DLC1: variants seen among roughly 807,000 people sequenced by gnomAD.
DLC1 encodes DLC1 Rho GTPase activating protein.
DLC1 carries 54 observed loss-of-function variants against 140.3 expected under a neutral mutation model. The observed-to-expected ratio is 0.38, with a 90% CI of 0.31 to 0.48. The LOEUF is 0.48. Among genes scored for constraint, DLC1 ranks in the 20% least tolerant of loss-of-function variants. The pLI is 0.96. For synonymous variants in DLC1, 986 were observed against 728.1 expected (o/e 1.35, Z -5.70); for missense variants, 2,536 against 1,907.0 (o/e 1.33, Z -6.14).
intron 5 of DLC1, among the ~76,000 whole-genome samples, chr8:13,159,268 C>T (rs1824505367): frequency 6.6e-6 from 1 of 152,190 alleles, no homozygotes; most frequent in Non-Finnish European, 1.5e-5. Context: ...TGCCAAGCTA[C>T]AGAAGCTCCT....
chr8:13,108,696 C>A (rs929269140), intron 7 of DLC1, among the ~76,000 whole-genome samples: 1 of 152,258 alleles, frequency 6.6e-6, no homozygotes, highest in East Asian at 1.9e-4. Context: ...TCTCTAACTG[C>A]GTGAAATGAT....
At chr8:13,501,660 A>T (rs1428308143) in intron 1 of DLC1, among the ~76,000 whole-genome samples, 1 of 152,226 alleles carries the variant, frequency 6.6e-6, no homozygotes, top group Non-Finnish European at 1.5e-5. Flanking sequence ...GGCGAAATTG[A>T]CATGTGCTAG....
intron 2 of DLC1, among the ~76,000 whole-genome samples, chr8:13,456,270 C>T (rs1253410320): frequency 6.6e-6 from 1 of 152,086 alleles, no homozygotes; most frequent in Admixed American, 6.6e-5. Context: ...TTTTTCTTCT[C>T]AATTATTTTT....
intron 1 of DLC1, 84 bp from the exon 2 acceptor site, chr8:13,500,280 A>G: frequency 2.1e-6 from 1 of 473,936 alleles, no homozygotes; most frequent in Non-Finnish European, 3.7e-6. Context: ...AACTTAATCT[A>G]TGCTATCAAA....
intron 1 of DLC1, among the ~76,000 whole-genome samples, chr8:13,552,306 A>G (rs899798249): frequency 1.1e-4 from 16 of 149,724 alleles, no homozygotes; most frequent in Admixed American, 3.3e-4. Flanking sequence ...ATAATTCTAA[A>G]GGAAGCATAT....
chr8:13,165,384 G>A (rs1459219239), intron 5 of DLC1, among the ~76,000 whole-genome samples: 5 of 152,178 alleles, frequency 3.3e-5, no homozygotes, highest in East Asian at 3.9e-4. Flanking sequence ...CGTGACACAC[G>A]GAAAGGGTAG....
chr8:13,504,801 TAC>T (rs1482943742), intron 1 of DLC1, among the ~76,000 whole-genome samples: 2 of 152,108 alleles, frequency 1.3e-5, no homozygotes, highest in Admixed American at 6.6e-5. Context: ...TCTCAAAAGC[TAC>T]TGGAGAGATA....
At chr8:13,191,662 C>G (rs1799504894) in intron 5 of DLC1, among the ~76,000 whole-genome samples, 1 of 152,150 alleles carries the variant, frequency 6.6e-6, no homozygotes, top group African/African-American at 2.4e-5. Context: ...AAATCAATTT[C>G]TGTGCTCCTT....
intron 5 of DLC1, among the ~76,000 whole-genome samples, chr8:13,186,828 G>A (rs1585867383): frequency 6.6e-6 from 1 of 152,148 alleles, no homozygotes; most frequent in Non-Finnish European, 1.5e-5. Flanking sequence ...CGTACAGATG[G>A]GGTTTTGATG....
rs1586262163 is a variant in DLC1 at position 13,391,880 on chromosome 8, CCA to C, written c.1314+1671_1314+1672del. On this transcript the variant is annotated intron_variant, in intron 4 of 17. Transcript: ENST00000276297. ...AATAAATACCTTTAAAAAGTGAGCC[CCA>C]CACCTGTCCCCAATGTTGAAAAAAA... 5.9e-5 allele frequency among the ~76,000 whole-genome samples: 8 copies of C among 135,358 alleles called. No homozygotes were observed. In the South Asian group the frequency reaches 1.9e-3, roughly 32 times the overall value. The allele number at this position is 135,358 out of a possible 152,430, so 88.8% of individuals were successfully genotyped here. A position where few individuals can be genotyped will look rare whatever the true frequency, so the allele number is the denominator to read the frequency against.
chr8:13,414,606 A>G (rs761076402), intron 2 of DLC1, among the ~76,000 whole-genome samples: 12 of 152,194 alleles, frequency 7.9e-5, no homozygotes, highest in Admixed American at 1.3e-4. Context: ...ACCCAAACTG[A>G]CATTTTCTAA....
intron 1 of DLC1, among the ~76,000 whole-genome samples, chr8:13,513,640 A>T (rs1242112445): frequency 6.6e-6 from 1 of 152,178 alleles, no homozygotes; most frequent in African/African-American, 2.4e-5. Context: ...TATTATAAAT[A>T]TTCAGAAATA....
intron 2 of DLC1, among the ~76,000 whole-genome samples, chr8:13,459,582 G>A (rs1358090905): frequency 6.6e-6 from 1 of 152,112 alleles, no homozygotes; most frequent in Non-Finnish European, 1.5e-5. Context: ...GGGGGCAGGG[G>A]CTGGGAGTGC....
intron 1 of DLC1, among the ~76,000 whole-genome samples, chr8:13,556,954 C>G (rs1212511539): frequency 6.6e-6 from 1 of 152,166 alleles, no homozygotes; most frequent in East Asian, 1.9e-4. Context: ...GAAAGTCTAT[C>G]AGTTATGACA....
intron 2 of DLC1, among the ~76,000 whole-genome samples, chr8:13,469,213 G>A (rs1005593983): frequency 1.1e-4 from 17 of 151,988 alleles, no homozygotes; most frequent in Non-Finnish European, 1.8e-4. Flanking sequence ...TCTAGCTCAC[G>A]TTGGATATTT....
chr8:13,265,816 C>T (rs1830664478), intron 5 of DLC1, among the ~76,000 whole-genome samples: 1 of 151,034 alleles, frequency 6.6e-6, no homozygotes. Flanking sequence ...TTCCATCTTC[C>T]AGTTTATTAA....
At chr8:13,305,709 C>A (rs905924825) in intron 4 of DLC1, among the ~76,000 whole-genome samples, 4 of 152,124 alleles carry the variant, frequency 2.6e-5, no homozygotes, top group African/African-American at 9.7e-5. Flanking sequence ...TGGTGGCATG[C>A]ACCGGTAGTC....
intron 2 of DLC1, among the ~76,000 whole-genome samples, chr8:13,479,661 T>C (rs1800595733): frequency 6.6e-6 from 1 of 151,620 alleles, no homozygotes; most frequent in Non-Finnish European, 1.5e-5. Flanking sequence ...AGCTACTGGT[T>C]GGGCAAGGTG....
intron 2 of DLC1, among the ~76,000 whole-genome samples, chr8:13,470,135 T>A (rs1800140711): frequency 6.6e-6 from 1 of 152,184 alleles, no homozygotes; most frequent in African/African-American, 2.4e-5. Flanking sequence ...AACTTTTGAA[T>A]AAAATAATCC....
Sources: allele counts gnomAD v4.1 joint callset (sites outside exome capture counted in the v4.1 genomes callset), GRCh38; gene constraint gnomAD v4.1.1; transcripts MANE v1.5; gene names NCBI Gene and HGNC (gene_info 2026-07-23, HGNC 2026-07-21).